The following INTS13 variants were observed in gnomAD, a reference collection of about 807,000 sequenced individuals.
INTS13 encodes the protein asunder, spermatogenesis regulator homolog (Drosphila).
Under a neutral mutation model 90.2 loss-of-function variants are expected in INTS13, and 35 were observed. The observed-to-expected ratio is 0.39, with a 90% confidence interval of 0.30 to 0.51. INTS13 has a LOEUF of 0.51. Among genes scored for constraint, INTS13 ranks in the 20% least tolerant of loss-of-function variants. The pLI is 0.80. For missense variants in INTS13, 601 were observed against 851.2 expected, an observed-to-expected ratio of 0.71 and a Z score of 3.66; for synonymous variants, 309 against 277.1, an observed-to-expected ratio of 1.11 and a Z score of -1.14.
intron 8 of INTS13, among the ~76,000 whole-genome samples, chr12:26,918,491 T>C (rs939325548): frequency 1.3e-5 from 2 of 152,238 alleles, no homozygotes; most frequent in African/African-American, 2.4e-5. Flanking sequence ...ATTTAGGTCA[T>C]TGCACTGAAA....
intron 8 of INTS13, among the ~76,000 whole-genome samples, chr12:26,918,422 G>T (rs979599217): frequency 2.0e-5 from 3 of 152,126 alleles, no homozygotes; most frequent in Non-Finnish European, 4.4e-5. Flanking sequence ...AAATACCAAA[G>T]ATATTATCTA....
At chr12:26,918,557 A>C (rs1434950288) in intron 8 of INTS13, among the ~76,000 whole-genome samples, 1 of 152,260 alleles carries the variant, frequency 6.6e-6, no homozygotes, top group Admixed American at 6.5e-5. Context: ...TTCCCTGCCC[A>C]CACTATTAAA....
At position 26,936,719 on chromosome 12, in the gene INTS13, C is replaced by T. The variant is rs899501029; in HGVS notation, c.85G>A (p.Glu29Lys). The T allele has an allele frequency of 6.2e-7, 1 of 1,613,950 alleles. No individual in the cohort carries two copies. ...YMAESCRQHV[E>K]FDMLVKNRTQ... ...CTATTCTTCACCAGCATATCAAACT[C>T]GACATGCTGCCTGCAAGATTCTGCC... The change falls in exon 2 of 17, where the codon GAG becomes AAG. Residue 29 changes from glutamate (E) to lysine (K), a missense_variant. Coordinates refer to ENST00000261191, the MANE Select transcript of INTS13 (RefSeq NM_018164.3).
chr12:26,927,249 G>A (rs572209044), intron 5 of INTS13, among the ~76,000 whole-genome samples: 217 of 152,328 alleles, frequency 1.4e-3, no homozygotes, highest in African/African-American at 5.0e-3. Context: ...CAAGTCAGAC[G>A]AAAGTGTGGG....
intron 7 of INTS13, 21 bp from the exon 8 acceptor site, chr12:26,922,721 A>G (rs1937653843): frequency 6.7e-7 from 1 of 1,501,542 alleles, no homozygotes; most frequent in African/African-American, 1.4e-5. Context: ...AATTTCAAAC[A>G]TTTTAAAAAA....
chr12:26,911,403 C>A, intron 14 of INTS13, 86 bp from the exon 15 acceptor site: 1 of 1,200,972 alleles, frequency 8.3e-7, no homozygotes, highest in Non-Finnish European at 1.1e-6. Context: ...TGCATATCAA[C>A]CTTTATAAAA....
chr12:26,911,040 G>A (rs1022790108), intron 15 of INTS13, 138 bp downstream of exon 15: 3 of 893,462 alleles, frequency 3.4e-6, no homozygotes, highest in Admixed American at 2.8e-5. Context: ...TCACCATGCT[G>A]GCCAGGCTGG....
At chr12:26,927,588 T>G (rs1366879222) in intron 5 of INTS13, among the ~76,000 whole-genome samples, 2 of 152,164 alleles carry the variant, frequency 1.3e-5, no homozygotes, top group African/African-American at 4.8e-5. Context: ...CATTTAACAA[T>G]TTTTTAAAAA....
chr12:26,915,863 A>G, intron 11 of INTS13, 139 bp downstream of exon 11: 1 of 591,958 alleles, frequency 1.7e-6, no homozygotes, highest in Non-Finnish European at 2.8e-6. Context: ...ATTGCAGGAA[A>G]TTCACCTAAT....
At chr12:26,928,152 A>T in intron 5 of INTS13, 53 bp downstream of exon 5, 1 of 1,269,506 alleles carries the variant, frequency 7.9e-7, no homozygotes, top group Non-Finnish European at 1.1e-6. Flanking sequence ...AAATAATTAT[A>T]ACATATATCT....
In INTS13 at chr12:26,925,844, G is replaced by A; in HGVS notation, c.592C>T (p.Gln198Ter). Residue 198 changes from glutamine to a stop codon, truncating the protein, a stop_gained, in exon 6 of 17, where the codon CAG (glutamine) becomes TAG (stop). Coordinates refer to ENST00000261191, the MANE Select transcript of INTS13 (RefSeq NM_018164.3). LOFTEE classifies it high-confidence loss of function. ...AAGACCAACTCACATTTTTGAATCT[G>A]CATGAGACTTAAAGAGAAATTTTTG... The part of the protein sequence containing the change: ...KLAANSDHLM[Q>*]IQKCELVLIH... The A allele has an allele frequency of 6.2e-7, 1 of 1,611,430 alleles. No homozygotes were observed. Among genetic ancestry groups the A allele is most frequent in the Non-Finnish European group, 8.5e-7 (1 of 1,178,366 alleles).
In INTS13 at chr12:26,930,893, A is replaced by C. The variant is rs1434574989; in HGVS notation, c.301-1988T>G. Among the ~76,000 whole-genome samples, 7 of 152,312 alleles carry C rather than the reference A, an allele frequency of 4.6e-5. No homozygotes were observed. The South Asian group carries it at 8.3e-4, about 18-fold the overall frequency. On this transcript the variant is annotated intron_variant, in intron 3 of 16. Coordinates refer to ENST00000261191, the MANE Select transcript of INTS13 (RefSeq NM_018164.3). The stretch of plus-strand genomic sequence containing the variant: ...AAAAAAGTAAGGTGGAAACGTATGG[A>C]ATTCTTAAAATTGTTTTTTCAGGTA...
chr12:26,915,814 A>G (rs1028998633), intron 11 of INTS13, among the ~76,000 whole-genome samples, 188 bp downstream of exon 11: 6 of 152,224 alleles, frequency 3.9e-5, no homozygotes, highest in East Asian at 1.9e-4. Context: ...TGAATATACA[A>G]TAAGATTAAA....
In INTS13 at chr12:26,908,740, G is replaced by A. The variant is rs572774212; in HGVS notation, c.1946-2303C>T. Among the ~76,000 whole-genome samples, 58 of 152,136 alleles carry A rather than the reference G, an allele frequency of 3.8e-4. No individual in the cohort carries two copies. The South Asian group carries it at 8.5e-3, about 22-fold the overall frequency. On this transcript the variant is annotated intron_variant, in intron 15 of 16. Coordinates refer to ENST00000261191, the MANE Select transcript of INTS13 (RefSeq NM_018164.3). ...GGCCCAGATCAGTTGCTGATCAGAA[G>A]AGACATGCAATTTAGGTCATAAAAT...
At chr12:26,930,938 CT>C (rs1938154353) in intron 3 of INTS13, among the ~76,000 whole-genome samples, 1 of 152,104 alleles carries the variant, frequency 6.6e-6, no homozygotes, top group Admixed American at 6.5e-5. Flanking sequence ...TAAGAACATT[CT>C]GGAATGATAT....
chr12:26,930,138 CA>C (rs1475014198), intron 3 of INTS13, among the ~76,000 whole-genome samples: 1 of 151,952 alleles, frequency 6.6e-6, no homozygotes, highest in Non-Finnish European at 1.5e-5. Flanking sequence ...CTGAAAACAA[CA>C]AAACATTGTT....
At chr12:26,917,943 G>T (rs1397747708) in intron 8 of INTS13, among the ~76,000 whole-genome samples, 1 of 151,942 alleles carries the variant, frequency 6.6e-6, no homozygotes, top group Non-Finnish European at 1.5e-5. Context: ...CCAAGATGGC[G>T]AAACCCTGTC....
chr12:26,936,112 G>T (rs147974730), intron 2 of INTS13, among the ~76,000 whole-genome samples: 1 of 152,286 alleles, frequency 6.6e-6, no homozygotes, highest in Non-Finnish European at 1.5e-5. Flanking sequence ...CTGCCTCTAC[G>T]TAACTATGTG....
chr12:26,911,895 C>T (rs1009589840), intron 14 of INTS13, among the ~76,000 whole-genome samples: 1 of 152,124 alleles, frequency 6.6e-6, no homozygotes, highest in African/African-American at 2.4e-5. Flanking sequence ...GTTTCAGAAG[C>T]TCAGCAGCCC....
Sources: gnomAD v4.1 joint callset for allele counts (sites outside exome capture counted in the v4.1 genomes callset) on GRCh38, gnomAD v4.1.1 for gene constraint, MANE v1.5 for transcripts, NCBI Gene and HGNC (gene_info 2026-07-23, HGNC 2026-07-21) for gene names.